Variants in OSBPL1A observed in about 807,000 individuals in gnomAD.
OSBPL1A encodes the protein oxysterol binding protein like 1A, also known as oxysterol-binding protein-related protein 1.
Under a neutral mutation model 137.1 loss-of-function variants are expected in OSBPL1A, and 80 were observed. The observed-to-expected ratio is 0.58, with a 90% CI of 0.49 to 0.70. The LOEUF (loss-of-function observed/expected upper bound fraction) is 0.70, where lower values mean the gene tolerates loss of function less well. Ranked by LOEUF, OSBPL1A falls within the 30% of genes least tolerant of loss-of-function variation. The pLI is 0.00. For synonymous variants in OSBPL1A, 365 were observed against 389.7 expected, an observed-to-expected ratio of 0.94 and a Z score of 0.75; for missense variants, 970 against 1,129.4, an observed-to-expected ratio of 0.86 and a Z score of 2.02.
intron 13 of OSBPL1A, among the ~76,000 whole-genome samples, chr18:24,306,772 T>C (rs2090508808): frequency 6.6e-6 from 1 of 152,210 alleles, no homozygotes; most frequent in African/African-American, 2.4e-5. Flanking sequence ...ATACATCAAA[T>C]TGAAGACATA....
chr18:24,239,093 C>T, intron 16 of OSBPL1A, 127 bp downstream of exon 16: 2 of 1,110,788 alleles, frequency 1.8e-6, no homozygotes, highest in South Asian at 1.7e-5. Context: ...CAATACATCG[C>T]TATCTGTTTA....
chr18:24,235,885 A>G lies in OSBPL1A; in HGVS notation c.1444+3335T>C, dbSNP rs182472572. Among the ~76,000 whole-genome samples the G allele has an allele frequency of 4.9e-4, 75 of 152,316 alleles. 2 individuals carry two copies. The East Asian group carries it at 9.3e-3, about 19-fold the overall frequency. Reference sequence around the variant, plus strand: ...ACGTATATTGAGATGGGGAGATTATACTGGATCATCTGAGTAGGTCCAACG... The same window carrying G: ...ACGTATATTGAGATGGGGAGATTATGCTGGATCATCTGAGTAGGTCCAACG... On this transcript the variant is annotated intron_variant, in intron 16 of 27. Coordinates refer to ENST00000319481, the MANE Select transcript of OSBPL1A (RefSeq NM_080597.4).
chr18:24,350,348 T>G (rs1474644738), intron 4 of OSBPL1A, among the ~76,000 whole-genome samples: 6 of 152,230 alleles, frequency 3.9e-5, no homozygotes, highest in Admixed American at 3.3e-4. Flanking sequence ...ATCTGAGTAT[T>G]TGAGTATTTG....
intron 9 of OSBPL1A, 112 bp downstream of exon 9, chr18:24,318,489 G>A: frequency 1.1e-6 from 1 of 890,284 alleles, no homozygotes; most frequent in East Asian, 2.6e-5. Context: ...CGATCCAAGA[G>A]CGATTAAATC....
chr18:24,243,485 T>C (rs1258292539), intron 15 of OSBPL1A, among the ~76,000 whole-genome samples: 1 of 152,208 alleles, frequency 6.6e-6, no homozygotes, highest in Non-Finnish European at 1.5e-5. Context: ...AACGAGTACA[T>C]ACATTTTAAT....
intron 4 of OSBPL1A, chr18:24,358,562 G>T: frequency 1.4e-6 from 1 of 701,292 alleles, no homozygotes; most frequent in South Asian, 1.5e-5. Flanking sequence ...TCCATCAAAT[G>T]AAACGATACG....
rs550780973 is a variant in OSBPL1A, at chr18:24,334,176, A to C, written c.480+69T>G. ...CAACTAAATTATTTACTTAACATTA[A>C]GTAAAAATTTTCCTGAAGTGTAAAG... On this transcript the variant is annotated intron_variant, in intron 6 of 27. Coordinates refer to ENST00000319481, the MANE Select transcript of OSBPL1A (RefSeq NM_080597.4). 75 of 1,284,620 alleles carry C rather than the reference A, an allele frequency of 5.8e-5. No homozygotes were observed. In the African/African-American group the frequency reaches 1.1e-3, roughly 19 times the overall value. 79.6% of individuals were successfully genotyped at this position (1,284,620 alleles called of 1,614,324 possible).
intron 17 of OSBPL1A, among the ~76,000 whole-genome samples, chr18:24,208,659 C>G (rs1371647981): frequency 6.6e-6 from 1 of 152,150 alleles, no homozygotes; most frequent in Non-Finnish European, 1.5e-5. Context: ...GATTCCAAGC[C>G]CTGTTGAACC....
chr18:24,314,108 A>T, intron 12 of OSBPL1A, 141 bp downstream of exon 12: 1 of 531,014 alleles, frequency 1.9e-6, no homozygotes, highest in South Asian at 3.6e-5. Context: ...CTGTCTCAAA[A>T]ACATAAATAA....
chr18:24,271,508 A>C lies in OSBPL1A; in HGVS notation c.1281+9334T>G, dbSNP rs549184533. The C allele has an allele frequency of 2.0e-4, 195 of 961,456 alleles. 1 individual carries two copies. The African/African-American group carries it at 3.3e-3, about 16-fold the overall frequency. 59.6% of individuals were successfully genotyped at this position (961,456 alleles called of 1,614,324 possible). A position where few individuals can be genotyped will look rare whatever the true frequency, so the allele number is the denominator to read the frequency against. On this transcript the variant is annotated intron_variant, in intron 15 of 27. Coordinates refer to ENST00000319481, the MANE Select transcript of OSBPL1A (RefSeq NM_080597.4). The surrounding 1 kb of genome is among the most constrained non-coding windows in gnomAD (Gnocchi z 4.0). ...CACACACACGTCCAACTATTCTTGG[A>C]TCTACTCACATCCCTGGATCAAGTC...
intron 2 of OSBPL1A, among the ~76,000 whole-genome samples, chr18:24,375,530 T>C (rs914069013): frequency 9.9e-5 from 15 of 152,200 alleles, no homozygotes; most frequent in African/African-American, 3.1e-4. Flanking sequence ...TTGTTTCTTC[T>C]TCCTTGAACC....
At chr18:24,302,507 T>G (rs945616066) in intron 14 of OSBPL1A, 1 of 152,172 alleles carries the variant, frequency 6.6e-6, no homozygotes, top group Admixed American at 6.5e-5. Context: ...CACTGCAATA[T>G]CCGCCTTCCG....
In OSBPL1A at chr18:24,307,153, C is replaced by T. The variant is rs548928191; in HGVS notation, c.1093-3435G>A. On this transcript the variant is annotated intron_variant, in intron 13 of 27. Coordinates refer to ENST00000319481, the MANE Select transcript of OSBPL1A (RefSeq NM_080597.4). ...AAAAAATTACCCAGGCTTGGTGGCA[C>T]ATGCCTATAGTCTCAGCTACTTAAG... 2.0e-5 allele frequency among the ~76,000 whole-genome samples: 3 copies of T among 151,848 alleles called. No individual in the cohort carries two copies. The East Asian group carries it at 5.8e-4, about 29-fold the overall frequency.
chr18:24,184,860 T>C (rs1239510398), intron 18 of OSBPL1A, among the ~76,000 whole-genome samples: 3 of 152,058 alleles, frequency 2.0e-5, no homozygotes, highest in African/African-American at 7.2e-5. Flanking sequence ...TTTTCAGGCA[T>C]TTGTCACACA....
At chr18:24,183,262 T>C (rs551801504) in intron 18 of OSBPL1A, among the ~76,000 whole-genome samples, 1 of 152,202 alleles carries the variant, frequency 6.6e-6, no homozygotes, top group Non-Finnish European at 1.5e-5. Context: ...GTATAAAATA[T>C]AATAATATTG....
chr18:24,334,113 C>G, intron 6 of OSBPL1A, 132 bp downstream of exon 6: 1 of 591,746 alleles, frequency 1.7e-6, no homozygotes, highest in Non-Finnish European at 2.8e-6. Context: ...AACTTTGGTT[C>G]TACTATTATG....
intron 14 of OSBPL1A, among the ~76,000 whole-genome samples, chr18:24,283,327 GACAC>G (rs149819782): frequency 7.9e-4 from 79 of 100,038 alleles, no homozygotes; most frequent in African/African-American, 2.7e-3. Flanking sequence ...CACACACACA[GACAC>G]ACACACACAC....
At chr18:24,254,555 A>G (rs951786153) in intron 15 of OSBPL1A, among the ~76,000 whole-genome samples, 4 of 152,180 alleles carry the variant, frequency 2.6e-5, no homozygotes, top group Admixed American at 2.6e-4. Context: ...TTTGGAAACT[A>G]TACAAACAAA....
At chr18:24,255,995 A>C (rs1210151704) in intron 15 of OSBPL1A, among the ~76,000 whole-genome samples, 3 of 152,026 alleles carry the variant, frequency 2.0e-5, no homozygotes, top group African/African-American at 7.2e-5. Context: ...GGGTTTTGCC[A>C]TGTTGGCCAG....
Sources: gnomAD v4.1 joint callset for allele counts (sites outside exome capture counted in the v4.1 genomes callset) on GRCh38, gnomAD v4.1.1 for gene constraint, Gnocchi (gnomAD v3.1) non-coding constraint, MANE v1.5 for transcripts, NCBI Gene and HGNC (gene_info 2026-07-23, HGNC 2026-07-21) for gene names.